UVRAG: variants seen among roughly 807,000 people sequenced by gnomAD.
UVRAG encodes the protein UV radiation resistance associated.
In UVRAG, 19 loss-of-function variants were observed where a neutral mutation model predicts 78.0. The observed-to-expected ratio is 0.24, with a 90% CI of 0.17 to 0.36. The LOEUF (loss-of-function observed/expected upper bound fraction) is 0.36, where lower values mean the gene tolerates loss of function less well. Ranked by LOEUF, UVRAG falls within the 10% of genes least tolerant of loss-of-function variation. The pLI is 1.00. For synonymous variants in UVRAG, 323 were observed against 324.6 expected, an observed-to-expected ratio of 1.00 and a Z score of 0.05; for missense variants, 740 against 853.8, an observed-to-expected ratio of 0.87 and a Z score of 1.66.
intron 3 of UVRAG, among the ~76,000 whole-genome samples, chr11:75,866,093 C>T (rs1946530908): frequency 6.6e-6 from 1 of 151,648 alleles, no homozygotes; most frequent in Admixed American, 6.6e-5. Flanking sequence ...CCCATCTCTA[C>T]CAAAAAATGC....
chr11:75,854,764 C>T (rs894572998), intron 2 of UVRAG, among the ~76,000 whole-genome samples: 2 of 152,058 alleles, frequency 1.3e-5, no homozygotes, highest in African/African-American at 4.8e-5. Flanking sequence ...TGCAGTCTTA[C>T]TATGTGTCCA....
intron 5 of UVRAG, 90 bp downstream of exon 5, chr11:75,888,993 G>A: frequency 1.9e-6 from 2 of 1,054,932 alleles, no homozygotes; most frequent in Non-Finnish European, 2.7e-6. Flanking sequence ...AAAACTCTGT[G>A]TAAATAGAAT....
chr11:75,956,871 CTTA>C (rs1441589738), intron 6 of UVRAG, among the ~76,000 whole-genome samples: 2 of 152,034 alleles, frequency 1.3e-5, no homozygotes, highest in Non-Finnish European at 2.9e-5. Context: ...ATTGGCCATT[CTTA>C]TATCTTCTTT....
At chr11:76,027,298 A>G (rs1056274694) in intron 12 of UVRAG, among the ~76,000 whole-genome samples, 1 of 152,148 alleles carries the variant, frequency 6.6e-6, no homozygotes, top group African/African-American at 2.4e-5. Context: ...CTTGTAAAGA[A>G]TGCAGAAATG....
At chr11:75,828,719 A>ATGTGTG (rs1450297854) in intron 1 of UVRAG, among the ~76,000 whole-genome samples, 1 of 129,512 alleles carries the variant, frequency 7.7e-6, no homozygotes, top group African/African-American at 3.6e-5. Flanking sequence ...ATGTGTATAT[A>ATGTGTG]TATGTGTGTG....
At chr11:76,101,402 C>T (rs971811542) in intron 13 of UVRAG, among the ~76,000 whole-genome samples, 1 of 152,014 alleles carries the variant, frequency 6.6e-6, no homozygotes, top group African/African-American at 2.4e-5. Context: ...TGAACAGACA[C>T]TTTTAAAAAG....
intron 1 of UVRAG, among the ~76,000 whole-genome samples, chr11:75,829,749 T>C (rs1046520357): frequency 1.3e-5 from 2 of 152,226 alleles, no homozygotes; most frequent in Non-Finnish European, 2.9e-5. Context: ...AGCCCTATAC[T>C]ATATGTAAAC....
At chr11:76,007,434 G>C in intron 9 of UVRAG, 100 bp from the exon 10 acceptor site, 1 of 920,576 alleles carries the variant, frequency 1.1e-6, no homozygotes. Flanking sequence ...GCCTATTACA[G>C]ACAGTATAAT....
rs78069352 is a variant in UVRAG at position 75,816,164 on chromosome 11, T to C, written c.117+640T>C. On this transcript the variant is annotated intron_variant, in intron 1 of 14. Transcript: ENST00000356136. ...CTTTTTCCTTCTTCATTCCCTTCAG[T>C]GAGTCTCTGTGGAAGGAGGATTTGA... Among the ~76,000 whole-genome samples, 19 of 152,342 alleles carry C rather than the reference T, an allele frequency of 1.2e-4. No homozygotes were observed. The East Asian group carries it at 3.7e-3, about 29-fold the overall frequency.
At chr11:75,867,906 TAATATC>T (rs1212298541) in intron 3 of UVRAG, among the ~76,000 whole-genome samples, 1 of 152,248 alleles carries the variant, frequency 6.6e-6, no homozygotes, top group Non-Finnish European at 1.5e-5. Context: ...GTGCCTAACT[TAATATC>T]AAACACGGCT....
intron 13 of UVRAG, among the ~76,000 whole-genome samples, chr11:76,067,734 G>C (rs1318332837): frequency 6.6e-6 from 1 of 152,034 alleles, no homozygotes; most frequent in Non-Finnish European, 1.5e-5. Flanking sequence ...CTTCCAGCCT[G>C]GGTGACAGAG....
rs902917806 is a variant in UVRAG, at chr11:76,007,574, T to C, written c.952T>C (p.Cys318Arg). 8 of 1,613,896 alleles carry C rather than the reference T, an allele frequency of 5.0e-6. No homozygotes were observed. The Admixed American group carries it at 8.3e-5, about 17-fold the overall frequency. ...GACTAATGCTCAGTTGACAATTCGT[T>C]GCAGGCAGTTACTCTCTGAGCTTTC... ...LKTNAQLTIR[C>R]RQLLSELSYI... is the part of the protein sequence containing the mutation. Residue 318 changes from cysteine (C) to arginine (R), a missense_variant, in exon 10 of 15, where the codon TGC (cysteine) becomes CGC (arginine). Coordinates refer to ENST00000356136, the MANE Select transcript of UVRAG (RefSeq NM_003369.4).
chr11:76,035,950 C>T (rs1170744666), intron 12 of UVRAG, among the ~76,000 whole-genome samples: 1 of 152,034 alleles, frequency 6.6e-6, no homozygotes, highest in African/African-American at 2.4e-5. Context: ...CATTAGGTAT[C>T]CCTAGGGGTA....
intron 6 of UVRAG, among the ~76,000 whole-genome samples, chr11:75,959,718 T>C (rs1948873919): frequency 6.6e-6 from 1 of 152,240 alleles, no homozygotes; most frequent in Non-Finnish European, 1.5e-5. Flanking sequence ...GACTGTTTCA[T>C]GCAAGAGGCC....
At chr11:76,105,509 A>T (rs938142744) in intron 13 of UVRAG, among the ~76,000 whole-genome samples, 1 of 152,208 alleles carries the variant, frequency 6.6e-6, no homozygotes, top group African/African-American at 2.4e-5. Flanking sequence ...GCACTTTGGA[A>T]GACCAAGGCA....
intron 5 of UVRAG, among the ~76,000 whole-genome samples, chr11:75,898,425 A>C (rs983062672): frequency 6.6e-6 from 1 of 151,800 alleles, no homozygotes; most frequent in Non-Finnish European, 1.5e-5. Context: ...TGAATTGTCT[A>C]TCTCTCTCTC....
At chr11:76,089,672 T>G (rs1951659309) in intron 13 of UVRAG, among the ~76,000 whole-genome samples, 1 of 152,214 alleles carries the variant, frequency 6.6e-6, no homozygotes. Flanking sequence ...GAAACAGTAT[T>G]TCTGCTTGTT....
intron 13 of UVRAG, among the ~76,000 whole-genome samples, chr11:76,091,016 G>GTGTTCTCCCTTGTTT (rs1197484770): frequency 6.6e-6 from 1 of 152,148 alleles, no homozygotes; most frequent in African/African-American, 2.4e-5. Context: ...CTCTTTCTCA[G>GTGTTCTCCCTTGTTT]TGTTCTCCCT....
intron 14 of UVRAG, among the ~76,000 whole-genome samples, chr11:76,126,402 T>C (rs2134489109): frequency 6.6e-6 from 1 of 152,346 alleles, no homozygotes; most frequent in South Asian, 2.1e-4. Flanking sequence ...ATTCTCTTTT[T>C]TCATACTAAG....
Sources: allele counts gnomAD v4.1 joint callset (sites outside exome capture counted in the v4.1 genomes callset), GRCh38; gene constraint gnomAD v4.1.1; transcripts MANE v1.5; gene names NCBI Gene and HGNC (gene_info 2026-07-23, HGNC 2026-07-21).